Variants in TRPM3 observed in about 807,000 individuals in gnomAD.
The protein encoded by TRPM3 is transient receptor potential cation channel subfamily M member 3, also known as long transient receptor potential channel 3.
A neutral mutation model predicts 181.2 loss-of-function variants in TRPM3; 77 were observed. The observed-to-expected ratio is 0.42, with a 90% confidence interval of 0.35 to 0.51. The LOEUF (loss-of-function observed/expected upper bound fraction) is 0.51. Among genes scored for constraint, TRPM3 ranks in the 20% least tolerant of loss-of-function variants. The pLI, the probability that TRPM3 is intolerant of heterozygous loss-of-function variation, is 0.01. For synonymous variants in TRPM3, 745 were observed against 796.4 expected (o/e 0.94, Z 1.09); for missense variants, 1,759 against 2,196.7 (o/e 0.80, Z 3.98).
At chr9:70,752,711 G>T (rs2076398676) in intron 8 of TRPM3, among the ~76,000 whole-genome samples, 1 of 152,150 alleles carries the variant, frequency 6.6e-6, no homozygotes, top group Admixed American at 6.5e-5. Flanking sequence ...GTTGCCTACA[G>T]TATTCAGAAC....
In TRPM3 at chr9:70,996,848, A is replaced by G. The variant is rs150355990; in HGVS notation, c.177+124330T>C. Among the ~76,000 whole-genome samples the G allele has an allele frequency of 1.3e-3, 195 of 152,334 alleles. 2 individuals are homozygous for G. In the East Asian group the frequency reaches 0.029, roughly 23 times the overall value. The stretch of plus-strand genomic sequence containing the variant: ...TTTCTTCAGATCTTATTTGGCTCCT[A>G]TGAACAGGTAGATGTGGGGAACACA... On this transcript the variant is annotated intron_variant, in intron 1 of 25. Coordinates refer to ENST00000677713, the MANE Select transcript of TRPM3 (RefSeq NM_001366145.2).
At chr9:70,539,764 CT>C (rs1480707426) in intron 25 of TRPM3, among the ~76,000 whole-genome samples, 4 of 152,182 alleles carry the variant, frequency 2.6e-5, no homozygotes, top group Admixed American at 2.6e-4. Flanking sequence ...TACTTTTTCA[CT>C]ATCTAGCCTA....
At chr9:70,580,527 G>A (rs564395232) in intron 22 of TRPM3, among the ~76,000 whole-genome samples, 6 of 152,172 alleles carry the variant, frequency 3.9e-5, no homozygotes, top group Non-Finnish European at 7.4e-5. Flanking sequence ...GATACAGAGG[G>A]CTTGGGAGTA....
At chr9:70,823,388 T>C (rs550272053) in intron 6 of TRPM3, among the ~76,000 whole-genome samples, 1 of 80,098 alleles carries the variant, frequency 1.2e-5, no homozygotes, top group South Asian at 4.6e-4. Flanking sequence ...AAGCTCCAAC[T>C]CTTTACCAAG....
At chr9:70,811,537 T>A (rs967121638) in intron 6 of TRPM3, among the ~76,000 whole-genome samples, 10 of 152,186 alleles carry the variant, frequency 6.6e-5, no homozygotes, top group Non-Finnish European at 1.5e-4. Flanking sequence ...GTCAAATGAG[T>A]TAATATCTGT....
chr9:70,946,203 C>A (rs2096930738), intron 1 of TRPM3, among the ~76,000 whole-genome samples: 1 of 151,984 alleles, frequency 6.6e-6, no homozygotes, highest in South Asian at 2.1e-4. Flanking sequence ...ACAGTGGCAC[C>A]ATCATTGCTC....
chr9:71,241,755 T>G (rs2081705237), intron 1 of TRPM3, among the ~76,000 whole-genome samples: 1 of 152,194 alleles, frequency 6.6e-6, no homozygotes, highest in Non-Finnish European at 1.5e-5. Context: ...TCTGACATAC[T>G]ATAAAACCTA....
At chr9:71,153,578 C>A (rs566939878) in intron 1 of TRPM3, among the ~76,000 whole-genome samples, 1 of 152,006 alleles carries the variant, frequency 6.6e-6, no homozygotes, top group Non-Finnish European at 1.5e-5. Context: ...CCACCACGCC[C>A]GGCCAAAATT....
At chr9:70,967,684 C>A (rs1177518092) in intron 1 of TRPM3, among the ~76,000 whole-genome samples, 1 of 152,120 alleles carries the variant, frequency 6.6e-6, no homozygotes, top group Non-Finnish European at 1.5e-5. Context: ...CCCCTCTCCT[C>A]TGAGTAAAAC....
intron 21 of TRPM3, among the ~76,000 whole-genome samples, chr9:70,594,670 G>A (rs1222606364): frequency 6.6e-6 from 1 of 152,076 alleles, no homozygotes; most frequent in Non-Finnish European, 1.5e-5. Context: ...TTGGTGTACT[G>A]GCTTCTTATA....
intron 1 of TRPM3, among the ~76,000 whole-genome samples, chr9:71,298,231 T>C (rs970627515): frequency 3.0e-4 from 45 of 152,212 alleles, no homozygotes; most frequent in African/African-American, 1.1e-3. Flanking sequence ...TTGTTTGATC[T>C]GGAAATCTTT....
chr9:70,749,058 G>T (rs2075683721), intron 8 of TRPM3, among the ~76,000 whole-genome samples: 1 of 151,878 alleles, frequency 6.6e-6, no homozygotes, highest in African/African-American at 2.4e-5. Context: ...TGGAGATAGG[G>T]TTTTGCTATG....
chr9:70,800,720 G>C (rs1588526140), intron 6 of TRPM3, among the ~76,000 whole-genome samples: 1 of 152,002 alleles, frequency 6.6e-6, no homozygotes, highest in African/African-American at 2.4e-5. Context: ...TTTATTGTAA[G>C]AATACAGTAT....
At chr9:70,610,527 A>G in intron 19 of TRPM3, 82 bp downstream of exon 19, 1 of 1,513,480 alleles carries the variant, frequency 6.6e-7, no homozygotes, top group South Asian at 1.3e-5. Flanking sequence ...CGACTTGCAG[A>G]GAAAACCACA....
chr9:71,345,759 G>C (rs1269223785), intron 1 of TRPM3, among the ~76,000 whole-genome samples: 1 of 152,056 alleles, frequency 6.6e-6, no homozygotes, highest in African/African-American at 2.4e-5. Flanking sequence ...CAAAAGATGT[G>C]TACAGTTATA....
At chr9:70,905,077 T>A (rs2096443012) in intron 1 of TRPM3, among the ~76,000 whole-genome samples, 2 of 152,214 alleles carry the variant, frequency 1.3e-5, no homozygotes, top group African/African-American at 2.4e-5. Flanking sequence ...CAATTAGATA[T>A]GACTCCCATC....
At chr9:70,602,166 C>T (rs2060153915) in intron 20 of TRPM3, among the ~76,000 whole-genome samples, 2 of 149,004 alleles carry the variant, frequency 1.3e-5, no homozygotes, top group South Asian at 4.2e-4. Context: ...GAGCCATTCC[C>T]AAGTTCTCAG....
chr9:70,922,652 G>T (rs961998694), intron 1 of TRPM3, among the ~76,000 whole-genome samples: 1 of 152,098 alleles, frequency 6.6e-6, no homozygotes, highest in Non-Finnish European at 1.5e-5. Context: ...ACTTATTACA[G>T]TTCCTTTGAC....
At chr9:70,673,109 G>C (rs1156961961) in intron 9 of TRPM3, among the ~76,000 whole-genome samples, 2 of 152,074 alleles carry the variant, frequency 1.3e-5, no homozygotes. Context: ...AAACTATCTT[G>C]AGTATCTTTC....
Sources: gnomAD v4.1 joint callset for allele counts (sites outside exome capture counted in the v4.1 genomes callset) on GRCh38, gnomAD v4.1.1 for gene constraint, MANE v1.5 for transcripts, NCBI Gene and HGNC (gene_info 2026-07-23, HGNC 2026-07-21) for gene names.